Variants in PDE3A observed in about 807,000 individuals in gnomAD.
PDE3A encodes phosphodiesterase 3A.
In PDE3A, 43 loss-of-function variants were observed where a neutral mutation model predicts 98.3. The observed-to-expected ratio is 0.44, with a 90% CI of 0.34 to 0.56. The LOEUF is 0.56. Ranked by LOEUF, PDE3A falls within the 20% of genes least tolerant of loss-of-function variation. The pLI, the probability that PDE3A is intolerant of heterozygous loss-of-function variation, is 0.01. For synonymous variants in PDE3A, 663 were observed against 567.9 expected, an observed-to-expected ratio of 1.17 and a Z score of -2.38; for missense variants, 1,427 against 1,440.7, an observed-to-expected ratio of 0.99 and a Z score of 0.15.
intron 15 of PDE3A, among the ~76,000 whole-genome samples, chr12:20,669,441 GC>G (rs2120406677): frequency 6.6e-6 from 1 of 151,462 alleles, no homozygotes; most frequent in African/African-American, 2.4e-5. Context: ...GTTAAGGGCA[GC>G]CAGAGAGAAA....
At chr12:20,439,848 G>C (rs1944841057) in intron 1 of PDE3A, among the ~76,000 whole-genome samples, 1 of 152,036 alleles carries the variant, frequency 6.6e-6, no homozygotes, top group Admixed American at 6.6e-5. Context: ...GCATAAGTCA[G>C]TCTGGAAAAA....
At chr12:20,576,303 T>C (rs1942931869) in intron 2 of PDE3A, among the ~76,000 whole-genome samples, 1 of 152,088 alleles carries the variant, frequency 6.6e-6, no homozygotes, top group Non-Finnish European at 1.5e-5. Context: ...TGAAATATTA[T>C]CTTACCTTTC....
In PDE3A at chr12:20,646,483, G is replaced by T; in HGVS notation, c.2252-7G>T. ...AACTGATGACTGTTCCTGTTCACTG[G>T]TTACAGATCATAACAGAATCCATGC... On this transcript the variant is annotated splice_polypyrimidine_tract_variant and splice_region_variant and intron_variant, in intron 10 of 15. Coordinates refer to ENST00000359062, the MANE Select transcript of PDE3A (RefSeq NM_000921.5). 1.3e-6 allele frequency: 2 copies of T among 1,486,778 alleles called. No homozygotes were observed. Among genetic ancestry groups the T allele is most frequent in the Non-Finnish European group, 1.9e-6 (2 of 1,064,320 alleles). 92.1% of individuals were successfully genotyped at this position (1,486,778 alleles called of 1,614,324 possible).
At chr12:20,541,517 A>G (rs1941910420) in intron 1 of PDE3A, among the ~76,000 whole-genome samples, 1 of 152,110 alleles carries the variant, frequency 6.6e-6, no homozygotes, top group South Asian at 2.1e-4. Context: ...GTAGGAATAG[A>G]GACAGAGAAG....
chr12:20,554,788 T>C lies in PDE3A; in HGVS notation c.961-1872T>C, dbSNP rs184974480. ...TTTTAGTAGAGAAGGGGTTTCACCA[T>C]GTTGGCCAGGCTGGTCATGAACTCC... On this transcript the variant is annotated intron_variant, in intron 1 of 15. Coordinates refer to ENST00000359062, the MANE Select transcript of PDE3A (RefSeq NM_000921.5). Among the ~76,000 whole-genome samples, 788 of 152,154 alleles carry C rather than the reference T, an allele frequency of 5.2e-3. 9 individuals carry two copies. The highest frequency in any genetic ancestry group is 0.018 in the African/African-American group (742 of 41,528).
At chr12:20,462,735 A>G (rs971328860) in intron 1 of PDE3A, among the ~76,000 whole-genome samples, 2 of 152,020 alleles carry the variant, frequency 1.3e-5, no homozygotes, top group Middle Eastern at 3.2e-3. Flanking sequence ...GCAATTTGGT[A>G]TTCATTTGTT....
At position 20,664,362 on chromosome 12, in the gene PDE3A, A is replaced by C. The variant is rs181123119; in HGVS notation, c.3184+10157A>C. Among the ~76,000 whole-genome samples the C allele has an allele frequency of 9.0e-4, 137 of 152,244 alleles. No homozygotes were observed. In the East Asian group the frequency reaches 0.023, roughly 26 times the overall value. On this transcript the variant is annotated intron_variant, in intron 15 of 15. Transcript: ENST00000359062. Reference sequence around the variant, plus strand: ...AGATGAGGGTACTGAGAGTTAAATGATATTCTGGTTGCTTGGAAAAGAACA... The same window carrying C: ...AGATGAGGGTACTGAGAGTTAAATGCTATTCTGGTTGCTTGGAAAAGAACA...
Position 20,650,823 on chromosome 12 carries a change from T to TG in PDE3A, c.2925+228dup, listed in dbSNP as rs11464075. ...ATGATAAAAGTTATTTGCAAGCATTTGGGGGAAGAAGATATTGAGATAGTG... is the reference window on the plus strand; with the variant it reads ...ATGATAAAAGTTATTTGCAAGCATTTGGGGGGAAGAAGATATTGAGATAGTG... On this transcript the variant is annotated intron_variant, in intron 14 of 15. Transcript: ENST00000359062. 0.61 allele frequency among the ~76,000 whole-genome samples: 93,097 copies of TG among 151,812 alleles called. 28,798 individuals carry two copies. The highest frequency in any genetic ancestry group is 0.79 in the East Asian group (4,079 of 5,138).
chr12:20,576,415 T>C (rs1323304497), intron 2 of PDE3A, among the ~76,000 whole-genome samples: 2 of 152,048 alleles, frequency 1.3e-5, no homozygotes, highest in African/African-American at 4.8e-5. Context: ...GAATGTTAGA[T>C]TGGCAGGAAA....
At chr12:20,579,640 G>A (rs966316174) in intron 2 of PDE3A, among the ~76,000 whole-genome samples, 3 of 152,004 alleles carry the variant, frequency 2.0e-5, no homozygotes, top group African/African-American at 7.3e-5. Context: ...CTAATGCCAG[G>A]TTCCTCAGCA....
intron 1 of PDE3A, among the ~76,000 whole-genome samples, chr12:20,532,668 T>C (rs1941634911): frequency 6.7e-6 from 1 of 148,726 alleles, no homozygotes. Context: ...GTCAGGTTTT[T>C]GTGTATTAGT....
intron 1 of PDE3A, among the ~76,000 whole-genome samples, chr12:20,402,247 C>T (rs540018380): frequency 8.5e-5 from 13 of 152,084 alleles, no homozygotes; most frequent in Non-Finnish European, 1.9e-4. Flanking sequence ...CCTCCCGGGT[C>T]AAGCAATTCT....
At chr12:20,529,593 G>A (rs1401007578) in intron 1 of PDE3A, among the ~76,000 whole-genome samples, 1 of 152,066 alleles carries the variant, frequency 6.6e-6, no homozygotes, top group African/African-American at 2.4e-5. Context: ...GCCATCTGAA[G>A]ACAGAGAATT....
At chr12:20,523,563 T>C (rs867843423) in intron 1 of PDE3A, among the ~76,000 whole-genome samples, 2 of 152,230 alleles carry the variant, frequency 1.3e-5, no homozygotes, top group Non-Finnish European at 2.9e-5. Context: ...ACAGTTGTCT[T>C]ATTTATTACC....
chr12:20,472,860 A>C (rs917444249), intron 1 of PDE3A, among the ~76,000 whole-genome samples: 2 of 152,212 alleles, frequency 1.3e-5, no homozygotes. Context: ...ATGTCTAAAG[A>C]TATTAAAGAA....
At chr12:20,641,687 A>T (rs1403194921) in intron 10 of PDE3A, among the ~76,000 whole-genome samples, 1 of 152,194 alleles carries the variant, frequency 6.6e-6, no homozygotes, top group Non-Finnish European at 1.5e-5. Context: ...AAGATGGCAA[A>T]TGTTTAAGTA....
intron 2 of PDE3A, among the ~76,000 whole-genome samples, chr12:20,603,024 A>G (rs1943628123): frequency 6.6e-6 from 1 of 152,206 alleles, no homozygotes; most frequent in Non-Finnish European, 1.5e-5. Flanking sequence ...ATTTCCTAGT[A>G]TCACGGACAG....
intron 6 of PDE3A, among the ~76,000 whole-genome samples, chr12:20,630,906 T>A (rs1944363502): frequency 6.6e-6 from 1 of 152,186 alleles, no homozygotes; most frequent in Non-Finnish European, 1.5e-5. Context: ...ATTTCTGAGG[T>A]TGATGAGGAT....
chr12:20,633,184 C>G (rs6487122), intron 6 of PDE3A, among the ~76,000 whole-genome samples: 60,970 of 151,996 alleles, frequency 0.4, 12,553 homozygotes, highest in African/African-American at 0.5. Context: ...CTCCTGACCT[C>G]AGGTGGTCCA....
Sources: gnomAD v4.1 joint callset for allele counts (sites outside exome capture counted in the v4.1 genomes callset) on GRCh38, gnomAD v4.1.1 for gene constraint, MANE v1.5 for transcripts, NCBI Gene and HGNC (gene_info 2026-07-23, HGNC 2026-07-21) for gene names.